Variants in POLR1B observed in about 807,000 individuals in gnomAD.
POLR1B encodes RNA polymerase I subunit B, also known as DNA-directed RNA polymerase I subunit RPA2.
POLR1B carries 30 observed loss-of-function variants against 105.8 expected under a neutral mutation model. The observed-to-expected ratio is 0.28, with a 90% CI of 0.21 to 0.38. POLR1B has a LOEUF of 0.38. POLR1B is among the 10% of genes least tolerant of loss of function. POLR1B has a pLI of 1.00. For synonymous variants in POLR1B, 485 were observed against 505.1 expected (o/e 0.96, Z 0.53); for missense variants, 976 against 1,435.8 (o/e 0.68, Z 5.17).
At position 112,573,762 on chromosome 2, in the gene POLR1B, G is replaced by T; in HGVS notation, c.2472G>T (p.Pro824=). 6.2e-7 allele frequency: 1 copy of T among 1,614,220 alleles called. No homozygotes were observed. The highest frequency in any genetic ancestry group is 8.5e-7 in the Non-Finnish European group (1 of 1,180,042). ...GAGCAAAACTGCAGTACGGAGATCC[G>T]TATTACAGCTACCTCAACCTCAACA... is the stretch of plus-strand genomic sequence containing the variant. ...FIGAKLQYGD[P]YYSYLNLNTG... The change falls in exon 14 of 15, where the codon CCG becomes CCT. Residue 824 remains proline (P), a synonymous_variant. Transcript: ENST00000263331.
chr2:112,558,149 C>A, intron 8 of POLR1B, 68 bp downstream of exon 8: 1 of 1,202,782 alleles, frequency 8.3e-7, no homozygotes, highest in South Asian at 3.7e-5. Flanking sequence ...TTGCCTGTCC[C>A]TGAGAGTTCT....
chr2:112,559,153 A>G, intron 8 of POLR1B, 140 bp from the exon 9 acceptor site: 1 of 1,079,530 alleles, frequency 9.3e-7, no homozygotes, highest in Non-Finnish European at 1.3e-6. Flanking sequence ...CTTTACACTC[A>G]TCAGAGCTAG....
chr2:112,552,575 G>C, intron 6 of POLR1B, 70 bp from the exon 7 acceptor site: 1 of 1,388,590 alleles, frequency 7.2e-7, no homozygotes, highest in Non-Finnish European at 9.6e-7. Flanking sequence ...TGGGGATCTT[G>C]GTTAATAGAA....
chr2:112,555,072 T>C (rs1342188231), intron 7 of POLR1B, among the ~76,000 whole-genome samples: 1 of 152,142 alleles, frequency 6.6e-6, no homozygotes, highest in Non-Finnish European at 1.5e-5. Context: ...TTCCAGCTAC[T>C]CAGGAGGCTG....
At position 112,576,738 on chromosome 2, in the gene POLR1B, G is replaced by A. The variant is rs906475366; in HGVS notation, c.*1009G>A. The A allele has an allele frequency of 6.6e-6, 1 of 152,112 alleles. No homozygotes were observed. Among genetic ancestry groups the A allele is most frequent in the Admixed American group, 6.5e-5 (1 of 15,268 alleles). 9.4% of individuals were successfully genotyped at this position (152,112 alleles called of 1,614,324 possible). Reference sequence around the variant, plus strand: ...AGGTGGGAGGATCATTTGAGTGCAGGAGTTCAAGGACAGCCTGGGTAATAT... The same window carrying A: ...AGGTGGGAGGATCATTTGAGTGCAGAAGTTCAAGGACAGCCTGGGTAATAT... On this transcript the variant is annotated 3_prime_UTR_variant, in exon 15 of 15. Coordinates refer to ENST00000263331, the MANE Select transcript of POLR1B (RefSeq NM_019014.6).
At chr2:112,548,699 G>A (rs956512645) in intron 3 of POLR1B, among the ~76,000 whole-genome samples, 10 of 151,160 alleles carry the variant, frequency 6.6e-5, no homozygotes, top group African/African-American at 1.2e-4. Flanking sequence ...TGCAAGCTCC[G>A]CCTCCTGGGT....
At chr2:112,545,523 T>G (rs1047252408) in intron 1 of POLR1B, among the ~76,000 whole-genome samples, 2 of 152,252 alleles carry the variant, frequency 1.3e-5, no homozygotes, top group African/African-American at 4.8e-5. Context: ...ATTCAGTGTT[T>G]ATGGCAACTG....
chr2:112,578,666 T>C lies in POLR1B; in HGVS notation c.*2937T>C, dbSNP rs542502124. 1.3e-5 allele frequency among the ~76,000 whole-genome samples: 2 copies of C among 152,292 alleles called. No homozygotes were observed. Among genetic ancestry groups the C allele is most frequent in the Admixed American group, 1.3e-4 (2 of 15,290 alleles). On this transcript the variant is annotated 3_prime_UTR_variant, in exon 15 of 15. Coordinates refer to ENST00000263331, the MANE Select transcript of POLR1B (RefSeq NM_019014.6). ...AGGTATAATAGTCCCCCTTTATCTT[T>C]GAAGATTATATCCCAAGACTCCCAG...
At position 112,575,180 on chromosome 2, in the gene POLR1B, AGAG is replaced by A. The variant is rs751651796; in HGVS notation, c.2863_2865del (p.Glu955del). The A allele has an allele frequency of 1.2e-6, 2 of 1,614,172 alleles. No homozygotes were observed. Among genetic ancestry groups the A allele is most frequent in the South Asian group, 2.2e-5 (2 of 91,088 alleles). On this transcript the variant is annotated inframe_deletion, in exon 15 of 15. Transcript: ENST00000263331. The surrounding 1 kb of genome is among the most constrained non-coding windows in gnomAD (Gnocchi z 5.3). ...ATGATGCTACACCCTTCATCTTCTC[AGAG>A]GAGAACTCGGCCTTAGAATACTTTG...
intron 8 of POLR1B, among the ~76,000 whole-genome samples, chr2:112,558,510 G>A (rs758670907): frequency 2.2e-4 from 34 of 152,292 alleles, no homozygotes; most frequent in Non-Finnish European, 4.4e-4. Flanking sequence ...GCTGCAGTGA[G>A]CTGTGATTGC....
Sources: allele counts gnomAD v4.1 joint callset (sites outside exome capture counted in the v4.1 genomes callset), GRCh38; gene constraint gnomAD v4.1.1; non-coding constraint Gnocchi (gnomAD v3.1); transcripts MANE v1.5; gene names NCBI Gene and HGNC (gene_info 2026-07-23, HGNC 2026-07-21).